CLIP2: variants seen among roughly 807,000 people sequenced by gnomAD.
The protein encoded by CLIP2 is CAP-Gly domain containing linker protein 2.
A neutral mutation model predicts 111.7 loss-of-function variants in CLIP2; 41 were observed. The ratio of observed to expected loss-of-function variants is 0.37; its 90% CI spans 0.29 to 0.48. The LOEUF (loss-of-function observed/expected upper bound fraction) is 0.48. Among genes scored for constraint, CLIP2 ranks in the 20% least tolerant of loss-of-function variants. The pLI is 0.99. For missense variants in CLIP2, 1,160 were observed against 1,422.1 expected (o/e 0.82, Z 2.96); for synonymous variants, 660 against 644.2 (o/e 1.02, Z -0.37).
chr7:74,332,785 C>T (rs1343844603), intron 2 of CLIP2, among the ~76,000 whole-genome samples: 1 of 152,154 alleles, frequency 6.6e-6, no homozygotes, highest in Non-Finnish European at 1.5e-5. Flanking sequence ...ACGCACATGG[C>T]GTGGCAAGCT....
Position 74,373,012 on chromosome 7 carries a change from G to C in CLIP2, c.1461G>C (p.Leu487=). The C allele has an allele frequency of 6.3e-7, 1 of 1,590,428 alleles. No individual in the cohort carries two copies. Among genetic ancestry groups the C allele is most frequent in the Non-Finnish European group, 8.5e-7 (1 of 1,170,472 alleles). The change falls in exon 9 of 17, where the codon CTG becomes CTC. Residue 487 remains leucine (L), a synonymous_variant. Transcript: ENST00000223398. ...LLLEKAQAER[L]LRELADNRLT... is the part of the protein sequence containing the mutation. The stretch of plus-strand genomic sequence containing the variant: ...TGGAGAAGGCGCAGGCCGAGCGGCT[G>C]CTCCGAGAATTAGCGGACAACAGGG...
chr7:74,337,865 G>A (rs1413909029), intron 2 of CLIP2, among the ~76,000 whole-genome samples: 9 of 152,156 alleles, frequency 5.9e-5, no homozygotes, highest in Non-Finnish European at 1.0e-4. Flanking sequence ...CAAAGTGCTG[G>A]GATTACAGGC....
At position 74,376,938 on chromosome 7, in the gene CLIP2, T is replaced by A; in HGVS notation, c.2421+116T>A. ...TTTCCCTTGTCCCCGAGAGCATGCCTGGGGCAGTCAAGGAAGGGGTCACCT... is the reference window on the plus strand; with the variant it reads ...TTTCCCTTGTCCCCGAGAGCATGCCAGGGGCAGTCAAGGAAGGGGTCACCT... On this transcript the variant is annotated intron_variant, in intron 10 of 16. Transcript: ENST00000223398. This position sits in a 1 kb window ranked among gnomAD's most constrained non-coding sequence, Gnocchi z 7.1. 9.2e-7 allele frequency: 1 copy of A among 1,091,150 alleles called. No individual in the cohort carries two copies. The highest frequency in any genetic ancestry group is 1.3e-6 in the Non-Finnish European group (1 of 785,832). 67.6% of individuals were successfully genotyped at this position (1,091,150 alleles called of 1,614,324 possible). A position where few individuals can be genotyped will look rare whatever the true frequency, so the allele number is the denominator to read the frequency against.
intron 2 of CLIP2, among the ~76,000 whole-genome samples, chr7:74,332,794 C>T (rs1789330366): frequency 6.6e-6 from 1 of 152,130 alleles, no homozygotes; most frequent in South Asian, 2.1e-4. Context: ...GCGTGGCAAG[C>T]TGAATTGTAG....
intron 6 of CLIP2, among the ~76,000 whole-genome samples, chr7:74,358,207 A>C (rs1554308943): frequency 2.0e-5 from 3 of 151,298 alleles, no homozygotes; most frequent in Non-Finnish European, 1.5e-5. Flanking sequence ...CCTGCTACCA[A>C]ACCAGGCTAA....
In CLIP2 at chr7:74,373,056, C is replaced by A. The variant is rs201741678; in HGVS notation, c.1485+20C>A. 1 of 1,518,060 alleles carries A rather than the reference C, an allele frequency of 6.6e-7. No individual in the cohort carries two copies. The highest frequency in any genetic ancestry group is 8.9e-7 in the Non-Finnish European group (1 of 1,118,252). The allele number at this position is 1,518,060 out of a possible 1,614,324, so 94.0% of individuals were successfully genotyped here. On this transcript the variant is annotated intron_variant, in intron 9 of 16. Coordinates refer to ENST00000223398, the MANE Select transcript of CLIP2 (RefSeq NM_003388.5). ...AACAGGGTAACCGCGCCACCGCACCCGCCTGGCCCGCCAGCCACCTTGCCC... is the reference window on the plus strand; with the variant it reads ...AACAGGGTAACCGCGCCACCGCACCAGCCTGGCCCGCCAGCCACCTTGCCC...
chr7:74,290,093 A>G (rs1393312010), intron 1 of CLIP2, among the ~76,000 whole-genome samples: 1 of 152,182 alleles, frequency 6.6e-6, no homozygotes, highest in Non-Finnish European at 1.5e-5. Flanking sequence ...CCCCCTTCCA[A>G]GGGCAGAGCA....
chr7:74,331,099 G>A (rs1789263443), intron 2 of CLIP2, among the ~76,000 whole-genome samples: 1 of 149,648 alleles, frequency 6.7e-6, no homozygotes. Flanking sequence ...CCAGCTACTC[G>A]GGAGGCTGAG....
chr7:74,349,301 C>A (rs186481434), intron 3 of CLIP2, among the ~76,000 whole-genome samples: 14 of 150,312 alleles, frequency 9.3e-5, no homozygotes, highest in African/African-American at 2.7e-4. Context: ...CGTGGTGGCA[C>A]GTGCCTGTAA....
In CLIP2 at chr7:74,389,210, G is replaced by A. The variant is rs150615839; in HGVS notation, c.2671G>A (p.Ala891Thr). The A allele has an allele frequency of 1.9e-4, 313 of 1,612,468 alleles. 3 individuals carry two copies. In the African/African-American group the frequency reaches 3.3e-3, roughly 17 times the overall value. ...LETVSRKTHDASGQLVLISQE... is the reference protein window; with the variant it reads ...LETVSRKTHDTSGQLVLISQE... ...GACCGTGTCCCGGAAGACCCATGAC[G>A]CCTCGGGCCAGCTAGTCCTCATCAG... Residue 891 changes from alanine (A) to threonine (T), a missense_variant, in exon 13 of 17, where the codon GCC becomes ACC. Around this residue, in one of 5 missense-constraint regions of CLIP2, gnomAD observed 676 missense variants for 777.8 expected, o/e 0.87. Transcript: ENST00000223398.
chr7:74,346,736 A>C (rs1299823910), intron 3 of CLIP2, among the ~76,000 whole-genome samples: 23 of 62,078 alleles, frequency 3.7e-4, no homozygotes, highest in East Asian at 1.3e-3. Flanking sequence ...AAAAAAAAAA[A>C]AAAAAACAAA....
chr7:74,290,668 C>T (rs1384845196), intron 1 of CLIP2, among the ~76,000 whole-genome samples: 1 of 152,130 alleles, frequency 6.6e-6, no homozygotes, highest in Non-Finnish European at 1.5e-5. Context: ...GTCACTCTTG[C>T]GCGATGCCTG....
intron 1 of CLIP2, among the ~76,000 whole-genome samples, chr7:74,295,849 T>TA (rs1340265868): frequency 1.3e-5 from 2 of 151,560 alleles, no homozygotes; most frequent in African/African-American, 4.8e-5. Context: ...TACAGAAAAT[T>TA]AAAAAATTAG....
In CLIP2 at chr7:74,386,425, C is replaced by G. The variant is rs190730802; in HGVS notation, c.2480-96C>G. 57 of 955,140 alleles carry G rather than the reference C, an allele frequency of 6.0e-5. No individual in the cohort carries two copies. The African/African-American group carries it at 8.2e-4, about 14-fold the overall frequency. 59.2% of individuals were successfully genotyped at this position (955,140 alleles called of 1,614,324 possible). ...CTTGGACCCTGGAGGCCAAGTGTGA[C>G]CCCGTCACAGAGCTCCTGTGGGAGG... On this transcript the variant is annotated intron_variant, in intron 11 of 16. Coordinates refer to ENST00000223398, the MANE Select transcript of CLIP2 (RefSeq NM_003388.5).
At chr7:74,399,542 T>G (rs1449606116) in intron 14 of CLIP2, among the ~76,000 whole-genome samples, 22 of 44,600 alleles carry the variant, frequency 4.9e-4, no homozygotes, top group South Asian at 2.7e-3. Flanking sequence ...AGTCTTTTTT[T>G]GGGGGGGGGG....
intron 1 of CLIP2, among the ~76,000 whole-genome samples, chr7:74,290,533 G>A (rs1040356929): frequency 6.6e-6 from 1 of 152,224 alleles, no homozygotes; most frequent in Admixed American, 6.5e-5. Flanking sequence ...CCCCACCCTG[G>A]GAAGGACGGG....
Position 74,386,502 on chromosome 7 carries a change from T to C in CLIP2, c.2480-19T>C. On this transcript the variant is annotated intron_variant, in intron 11 of 16. Coordinates refer to ENST00000223398, the MANE Select transcript of CLIP2 (RefSeq NM_003388.5). ...GGTCCAGGAGCATTGATGCTTCTCG[T>C]CTCTCCTCTCTCCCCTAGGCCTGCA... 1 of 1,606,888 alleles carries C rather than the reference T, an allele frequency of 6.2e-7. No individual in the cohort carries two copies.
intron 2 of CLIP2, among the ~76,000 whole-genome samples, chr7:74,324,282 G>A (rs1014998281): frequency 5.9e-5 from 9 of 152,112 alleles, no homozygotes; most frequent in African/African-American, 1.2e-4. Context: ...GTGAGCCCCC[G>A]TTCCTGGCCA....
chr7:74,361,606 C>A (rs1554309808), intron 7 of CLIP2, among the ~76,000 whole-genome samples: 1 of 152,174 alleles, frequency 6.6e-6, no homozygotes, highest in East Asian at 1.9e-4. Context: ...CAGCCTCAAC[C>A]TTCTGGGCTC....
Sources: gnomAD v4.1 joint callset for allele counts (sites outside exome capture counted in the v4.1 genomes callset) on GRCh38, gnomAD v4.1.1 for gene constraint, gnomAD v4.1.1 regional missense constraint, Gnocchi (gnomAD v3.1) non-coding constraint, MANE v1.5 for transcripts, NCBI Gene and HGNC (gene_info 2026-07-23, HGNC 2026-07-21) for gene names.